Variants in LHFPL6 observed in about 807,000 individuals in gnomAD.
LHFPL6 encodes LHFPL tetraspan subfamily member 6 protein.
A neutral mutation model predicts 20.6 loss-of-function variants in LHFPL6; 9 were observed. The ratio of observed to expected loss-of-function variants is 0.44; its 90% CI spans 0.26 to 0.76. LHFPL6 has a LOEUF of 0.76. LHFPL6 is among the 30% of genes least tolerant of loss of function. The pLI is 0.20. For synonymous variants in LHFPL6, 105 were observed against 98.7 expected (o/e 1.06, Z -0.38); for missense variants, 218 against 253.5 (o/e 0.86, Z 0.95).
chr13:39,575,997 C>A (rs558438853), intron 2 of LHFPL6, among the ~76,000 whole-genome samples: 6 of 152,314 alleles, frequency 3.9e-5, no homozygotes, highest in African/African-American at 1.4e-4. Context: ...CTAGAGGAGG[C>A]ATCTCTTCCT....
At chr13:39,554,731 C>A (rs982417280) in intron 2 of LHFPL6, among the ~76,000 whole-genome samples, 3 of 152,180 alleles carry the variant, frequency 2.0e-5, no homozygotes, top group Non-Finnish European at 4.4e-5. Context: ...AGGCGTGTGT[C>A]CCCCCAGCCA....
At chr13:39,419,093 C>T (rs1346328985) in intron 2 of LHFPL6, among the ~76,000 whole-genome samples, 2 of 152,166 alleles carry the variant, frequency 1.3e-5, no homozygotes, top group East Asian at 3.9e-4. Flanking sequence ...AATCAGTCTA[C>T]ATTTCAAATG....
chr13:39,476,295 G>A (rs1187334995), intron 2 of LHFPL6, among the ~76,000 whole-genome samples: 7 of 152,130 alleles, frequency 4.6e-5, no homozygotes, highest in Admixed American at 2.0e-4. Context: ...CTCCCAAAGC[G>A]CTGGGATTAC....
At chr13:39,562,507 TATATACATATATACAC>T (rs1447879103) in intron 2 of LHFPL6, among the ~76,000 whole-genome samples, 10 of 140,334 alleles carry the variant, frequency 7.1e-5, no homozygotes, top group Non-Finnish European at 1.5e-4. Flanking sequence ...CATATATACA[TATATACATATATACAC>T]ATATACACAT....
intron 2 of LHFPL6, among the ~76,000 whole-genome samples, chr13:39,481,972 C>T (rs937036932): frequency 6.6e-6 from 1 of 152,058 alleles, no homozygotes; most frequent in African/African-American, 2.4e-5. Flanking sequence ...GGTGAAAGAA[C>T]ATGGATATGG....
At chr13:39,584,267 C>A (rs1429792915) in intron 2 of LHFPL6, among the ~76,000 whole-genome samples, 1 of 152,110 alleles carries the variant, frequency 6.6e-6, no homozygotes, top group Non-Finnish European at 1.5e-5. Context: ...AATGGCCGGG[C>A]ACGGTGGCTC....
chr13:39,551,528 T>C (rs1261311239), intron 2 of LHFPL6, among the ~76,000 whole-genome samples: 1 of 152,200 alleles, frequency 6.6e-6, no homozygotes, highest in Non-Finnish European at 1.5e-5. Context: ...TCAGGTAGTA[T>C]GGTTTTCCAA....
At chr13:39,547,750 T>C (rs1477919647) in intron 2 of LHFPL6, among the ~76,000 whole-genome samples, 1 of 152,092 alleles carries the variant, frequency 6.6e-6, no homozygotes, top group Non-Finnish European at 1.5e-5. Flanking sequence ...TTTAAAAAAT[T>C]TATTCCTTTT....
intron 2 of LHFPL6, among the ~76,000 whole-genome samples, chr13:39,575,363 T>C (rs1480239424): frequency 1.3e-5 from 2 of 152,220 alleles, no homozygotes; most frequent in Non-Finnish European, 2.9e-5. Context: ...AAGGAACGAT[T>C]TTTAATACAT....
intron 2 of LHFPL6, among the ~76,000 whole-genome samples, chr13:39,582,958 T>C (rs537571792): frequency 6.6e-6 from 1 of 152,302 alleles, no homozygotes; most frequent in Admixed American, 6.5e-5. Context: ...AAGGAGGCCA[T>C]ATTATATTAA....
intron 3 of LHFPL6, among the ~76,000 whole-genome samples, chr13:39,351,672 G>C (rs979119735): frequency 2.0e-5 from 3 of 152,114 alleles, no homozygotes; most frequent in Admixed American, 6.6e-5. Flanking sequence ...CTATAACCTA[G>C]CTTAATAGGC....
intron 3 of LHFPL6, among the ~76,000 whole-genome samples, chr13:39,374,862 A>G (rs555514236): frequency 5.3e-5 from 8 of 152,326 alleles, no homozygotes; most frequent in African/African-American, 1.7e-4. Context: ...TGCTGATGCC[A>G]CATCCCCAGC....
chr13:39,542,324 G>A (rs751463757), intron 2 of LHFPL6, among the ~76,000 whole-genome samples: 4 of 151,962 alleles, frequency 2.6e-5, no homozygotes, highest in South Asian at 2.1e-4. Context: ...GAATGAACTA[G>A]TGACAGAAAT....
At chr13:39,351,265 G>A (rs1347558800) in intron 3 of LHFPL6, among the ~76,000 whole-genome samples, 3 of 152,162 alleles carry the variant, frequency 2.0e-5, no homozygotes, top group Non-Finnish European at 4.4e-5. Flanking sequence ...AAGTTATGAA[G>A]GGGTCTCTCC....
At chr13:39,365,758 G>A (rs570581694) in intron 3 of LHFPL6, among the ~76,000 whole-genome samples, 1 of 152,274 alleles carries the variant, frequency 6.6e-6, no homozygotes, top group Non-Finnish European at 1.5e-5. Flanking sequence ...TAAACTGCTA[G>A]GGAAAATGCA....
chr13:39,594,411 A>T (rs1872709068), intron 2 of LHFPL6, among the ~76,000 whole-genome samples: 2 of 152,226 alleles, frequency 1.3e-5, no homozygotes, highest in African/African-American at 2.4e-5. Flanking sequence ...TCAAAACCAC[A>T]ATGAGATATC....
At chr13:39,487,901 C>A (rs148937234) in intron 2 of LHFPL6, among the ~76,000 whole-genome samples, 3 of 152,228 alleles carry the variant, frequency 2.0e-5, no homozygotes, top group African/African-American at 7.2e-5. Context: ...TAAAATTAGC[C>A]GGGCATGGTG....
chr13:39,403,578 G>A (rs1328373712), intron 2 of LHFPL6, among the ~76,000 whole-genome samples: 1 of 152,180 alleles, frequency 6.6e-6, no homozygotes, highest in Non-Finnish European at 1.5e-5. Context: ...ATCAGTAAGA[G>A]CCACACTCCA....
At chr13:39,499,448 A>T (rs1869215804) in intron 2 of LHFPL6, among the ~76,000 whole-genome samples, 1 of 152,114 alleles carries the variant, frequency 6.6e-6, no homozygotes, top group Non-Finnish European at 1.5e-5. Flanking sequence ...GAGAGAACAG[A>T]CCTGCAGCCC....
Sources: gnomAD v4.1 joint callset for allele counts (sites outside exome capture counted in the v4.1 genomes callset) on GRCh38, gnomAD v4.1.1 for gene constraint, MANE v1.5 for transcripts, NCBI Gene and HGNC (gene_info 2026-07-23, HGNC 2026-07-21) for gene names.